The following WDFY2 variants were observed in gnomAD, a reference collection of about 807,000 sequenced individuals.
WDFY2 encodes WD repeat and FYVE domain-containing protein 2.
Under a neutral mutation model 56.4 loss-of-function variants are expected in WDFY2, and 36 were observed. The ratio of observed to expected loss-of-function variants is 0.64; its 90% confidence interval spans 0.49 to 0.84. The LOEUF is 0.84. WDFY2 is among the 40% of genes least tolerant of loss of function. The probability of loss-of-function intolerance (pLI) is 0.00; values close to 1 mark genes in which losing one functional copy is unlikely to be tolerated. For synonymous variants in WDFY2, 176 were observed against 183.7 expected (o/e 0.96, Z 0.34); for missense variants, 444 against 512.2 (o/e 0.87, Z 1.29).
chr13:51,683,149 A>C (rs1042347599), intron 3 of WDFY2, among the ~76,000 whole-genome samples: 8 of 152,220 alleles, frequency 5.3e-5, no homozygotes, highest in Non-Finnish European at 2.9e-5. Flanking sequence ...CAAATTTGTC[A>C]TCACAAGTGA....
intron 1 of WDFY2, among the ~76,000 whole-genome samples, chr13:51,645,668 T>C (rs527953126): frequency 3.2e-4 from 48 of 152,292 alleles, no homozygotes; most frequent in African/African-American, 1.1e-3. Context: ...ACATATTTTG[T>C]GTCTGTAAAG....
intron 4 of WDFY2, among the ~76,000 whole-genome samples, chr13:51,717,546 G>T (rs1269544291): frequency 6.6e-6 from 1 of 151,890 alleles, no homozygotes; most frequent in Non-Finnish European, 1.5e-5. Flanking sequence ...AAGGCTAAAG[G>T]CCCCCTCAGT....
At chr13:51,657,667 A>C (rs1358972292) in intron 1 of WDFY2, among the ~76,000 whole-genome samples, 1 of 152,108 alleles carries the variant, frequency 6.6e-6, no homozygotes, top group Admixed American at 6.5e-5. Context: ...TCTTCTTCTC[A>C]GACTGGGAAA....
chr13:51,718,033 G>T (rs538876104), intron 4 of WDFY2, among the ~76,000 whole-genome samples: 2 of 152,314 alleles, frequency 1.3e-5, no homozygotes, highest in African/African-American at 4.8e-5. Context: ...GTATTTAAGT[G>T]CCTGGCACTT....
intron 2 of WDFY2, among the ~76,000 whole-genome samples, chr13:51,670,103 A>C (rs1207898397): frequency 6.6e-6 from 1 of 152,176 alleles, no homozygotes; most frequent in Non-Finnish European, 1.5e-5. Context: ...TCTTCCTGCC[A>C]AAGGATTCCC....
At chr13:51,621,750 A>C (rs1408979706) in intron 1 of WDFY2, among the ~76,000 whole-genome samples, 1 of 152,190 alleles carries the variant, frequency 6.6e-6, no homozygotes, top group Non-Finnish European at 1.5e-5. Flanking sequence ...CCTAAATGGC[A>C]GTCAGCATCA....
intron 1 of WDFY2, among the ~76,000 whole-genome samples, chr13:51,631,876 T>A (rs1428040529): frequency 2.0e-5 from 3 of 152,236 alleles, no homozygotes; most frequent in African/African-American, 7.2e-5. Flanking sequence ...CTGTTTCTCT[T>A]ATACTTCTAT....
chr13:51,658,615 T>G (rs1427322742), intron 1 of WDFY2, among the ~76,000 whole-genome samples: 2 of 152,234 alleles, frequency 1.3e-5, no homozygotes, highest in Admixed American at 6.5e-5. Context: ...ACTCTGGTAT[T>G]GATTCTTATT....
intron 1 of WDFY2, among the ~76,000 whole-genome samples, chr13:51,640,574 T>C (rs548693610): frequency 3.9e-5 from 6 of 152,296 alleles, no homozygotes; most frequent in African/African-American, 1.2e-4. Flanking sequence ...ATAGGCCAGG[T>C]GCGGTGGCTC....
Position 51,727,800 on chromosome 13 carries a change from A to C in WDFY2, c.598+10A>C. The C allele has an allele frequency of 6.2e-7, 1 of 1,612,914 alleles. No homozygotes were observed. Among genetic ancestry groups the C allele is most frequent in the African/African-American group, 1.3e-5 (1 of 75,020 alleles). On this transcript the variant is annotated intron_variant, in intron 6 of 11. Coordinates refer to ENST00000298125, the MANE Select transcript of WDFY2 (RefSeq NM_052950.4). ...TTCAGAGGACACACAGGTAGGATTA[A>C]CAGTAAAATCGTCATGTGCTGATAG... is the stretch of plus-strand genomic sequence containing the variant.
At chr13:51,682,427 G>T (rs771303671) in intron 3 of WDFY2, among the ~76,000 whole-genome samples, 1 of 152,126 alleles carries the variant, frequency 6.6e-6, no homozygotes. Flanking sequence ...TTACAGTCTG[G>T]CACCCAGTAC....
At chr13:51,708,842 A>G (rs1206697636) in intron 4 of WDFY2, among the ~76,000 whole-genome samples, 1 of 152,224 alleles carries the variant, frequency 6.6e-6, no homozygotes, top group African/African-American at 2.4e-5. Context: ...TGAGAATACT[A>G]GTCAAAAGAA....
intron 1 of WDFY2, among the ~76,000 whole-genome samples, chr13:51,600,472 C>T (rs749356891): frequency 6.6e-6 from 1 of 152,178 alleles, no homozygotes; most frequent in African/African-American, 2.4e-5. Context: ...CACTGGCTTC[C>T]TCTGTTTCTT....
intron 4 of WDFY2, among the ~76,000 whole-genome samples, chr13:51,715,698 G>A (rs1952329675): frequency 6.6e-6 from 1 of 152,090 alleles, no homozygotes. Context: ...CAGTAACATG[G>A]GTCATTTAGT....
intron 1 of WDFY2, among the ~76,000 whole-genome samples, chr13:51,609,010 A>G (rs999708848): frequency 1.3e-5 from 2 of 152,042 alleles, no homozygotes; most frequent in African/African-American, 4.8e-5. Context: ...TTGCTACTTG[A>G]ATGTTGTTGT....
intron 10 of WDFY2, 50 bp from the exon 11 acceptor site, chr13:51,758,142 T>C: frequency 6.9e-7 from 1 of 1,448,054 alleles, no homozygotes; most frequent in Non-Finnish European, 9.5e-7. Context: ...ATCTCTCTCA[T>C]TCATATGTCA....
chr13:51,725,151 G>A (rs899278680), intron 5 of WDFY2, among the ~76,000 whole-genome samples: 4 of 151,766 alleles, frequency 2.6e-5, no homozygotes, highest in East Asian at 1.9e-4. Flanking sequence ...TTTTATCTTC[G>A]GCTGAAAATC....
chr13:51,587,452 T>G (rs984419044), intron 1 of WDFY2: 1 of 152,230 alleles, frequency 6.6e-6, no homozygotes, highest in African/African-American at 2.4e-5. Context: ...TCTTAACTAC[T>G]GTAGACTTTT....
chr13:51,650,933 T>A (rs892134911), intron 1 of WDFY2, among the ~76,000 whole-genome samples: 1 of 152,226 alleles, frequency 6.6e-6, no homozygotes, highest in African/African-American at 2.4e-5. Context: ...CCTCATAAAA[T>A]GAGTTAGGGA....
Sources: gnomAD v4.1 joint callset for allele counts (sites outside exome capture counted in the v4.1 genomes callset) on GRCh38, gnomAD v4.1.1 for gene constraint, MANE v1.5 for transcripts, NCBI Gene and HGNC (gene_info 2026-07-23, HGNC 2026-07-21) for gene names.